The following RTN4IP1 variants were observed in gnomAD, a reference collection of about 807,000 sequenced individuals.
RTN4IP1 encodes the protein reticulon 4 interacting protein 1, also known as NAD(P)H oxidoreductase RTN4IP1, mitochondrial.
RTN4IP1 carries 32 observed loss-of-function variants against 46.6 expected under a neutral mutation model. The observed-to-expected ratio is 0.69, with a 90% CI of 0.52 to 0.92. The LOEUF is 0.92. Ranked by LOEUF, RTN4IP1 falls within the 40% of genes least tolerant of loss-of-function variation. The probability of loss-of-function intolerance (pLI) is 0.00; values close to 1 mark genes in which losing one functional copy is unlikely to be tolerated. For missense variants in RTN4IP1, 424 were observed against 485.8 expected (o/e 0.87, Z 1.20); for synonymous variants, 167 against 161.8 (o/e 1.03, Z -0.24).
At chr6:106,619,606 A>ATTTTTTT (rs869120910) in intron 3 of RTN4IP1, among the ~76,000 whole-genome samples, 8 of 110,472 alleles carry the variant, frequency 7.2e-5, no homozygotes, top group East Asian at 2.7e-4. Flanking sequence ...ACTTTTCTTC[A>ATTTTTTT]TTTTTTTTTT....
intron 5 of RTN4IP1, among the ~76,000 whole-genome samples, chr6:106,600,283 G>C (rs900296887): frequency 2.6e-5 from 4 of 152,076 alleles, no homozygotes; most frequent in African/African-American, 7.2e-5. Context: ...CATCCTGAGA[G>C]AGTCTTAATC....
intron 1 of RTN4IP1, among the ~76,000 whole-genome samples, chr6:106,628,060 C>A (rs1776698984): frequency 6.7e-6 from 1 of 149,706 alleles, no homozygotes; most frequent in East Asian, 2.0e-4. Context: ...GAGTGAGACT[C>A]TGTCTCAAAA....
chr6:106,606,729 T>C (rs1334716968), intron 4 of RTN4IP1, among the ~76,000 whole-genome samples: 2 of 151,944 alleles, frequency 1.3e-5, no homozygotes, highest in East Asian at 3.9e-4. Context: ...CTCAAAAACA[T>C]ACATATAAAT....
At position 106,582,688 on chromosome 6, in the gene RTN4IP1, C is replaced by G. The variant is rs149717668; in HGVS notation, c.1083+640G>C. Among the ~76,000 whole-genome samples, 142 of 152,188 alleles carry G rather than the reference C, an allele frequency of 9.3e-4. 2 individuals carry two copies. Among genetic ancestry groups the G allele is most frequent in the African/African-American group, 3.3e-3 (137 of 41,510 alleles). ...GATGGGATGTCAAGGTGGTTTAGAC[C>G]ATGTAAAAACCCAAATAAGCAGGTG... On this transcript the variant is annotated intron_variant, in intron 8 of 8. Coordinates refer to ENST00000369063, the MANE Select transcript of RTN4IP1 (RefSeq NM_032730.5).
At chr6:106,622,101 G>C (rs935521056) in intron 2 of RTN4IP1, among the ~76,000 whole-genome samples, 4 of 151,092 alleles carry the variant, frequency 2.6e-5, no homozygotes, top group African/African-American at 7.3e-5. Flanking sequence ...ACTAAACTTA[G>C]AAAACACAAA....
At chr6:106,602,981 C>T (rs994858338) in intron 4 of RTN4IP1, 59 bp from the exon 5 acceptor site, 75 of 1,262,082 alleles carry the variant, frequency 5.9e-5, no homozygotes, top group Middle Eastern at 1.9e-4. Flanking sequence ...ACTGGATAAA[C>T]GTTTTCAACA....
intron 8 of RTN4IP1, among the ~76,000 whole-genome samples, chr6:106,576,323 C>G (rs867409511): frequency 6.6e-6 from 1 of 152,172 alleles, no homozygotes; most frequent in Non-Finnish European, 1.5e-5. Flanking sequence ...GGACTTGTCC[C>G]TAGGTACCCC....
In RTN4IP1 at chr6:106,584,894, G is replaced by A. The variant is rs190845463; in HGVS notation, c.991-1474C>T. Among the ~76,000 whole-genome samples the A allele has an allele frequency of 3.2e-3, 489 of 152,376 alleles. 3 individuals are homozygous for A. The highest frequency in any genetic ancestry group is 5.6e-3 in the Admixed American group (85 of 15,306). On this transcript the variant is annotated intron_variant, in intron 7 of 8. Transcript: ENST00000369063. ...CGTCTAACCCAGAAAACCTGTGAGA[G>A]CTAAAGGATTCATCATTAATAATTA... is the stretch of plus-strand genomic sequence containing the variant.
At position 106,629,293 on chromosome 6, in the gene RTN4IP1, T is replaced by G; in HGVS notation, c.-272A>C. ...CTCCCTCACTTTCACCCCCTCCACTTTAAAAAAAAAAGGGGGGGCGGGGCA... is the reference window on the plus strand; with the variant it reads ...CTCCCTCACTTTCACCCCCTCCACTGTAAAAAAAAAAGGGGGGGCGGGGCA... On this transcript the variant is annotated 5_prime_UTR_variant, in exon 1 of 9. It removes the in-frame stop codon of an upstream open reading frame in the 5' UTR. Coordinates refer to ENST00000369063, the MANE Select transcript of RTN4IP1 (RefSeq NM_032730.5). 1.9e-6 allele frequency: 1 copy of G among 525,658 alleles called. No homozygotes were observed. Among genetic ancestry groups the G allele is most frequent in the South Asian group, 2.7e-5 (1 of 37,308 alleles). The allele number at this position is 525,658 out of a possible 1,614,324, so 32.6% of individuals were successfully genotyped here. A position where few individuals can be genotyped will look rare whatever the true frequency, so the allele number is the denominator to read the frequency against.
intron 5 of RTN4IP1, among the ~76,000 whole-genome samples, chr6:106,597,333 T>C (rs1195197982): frequency 6.6e-6 from 1 of 152,144 alleles, no homozygotes; most frequent in Non-Finnish European, 1.5e-5. Context: ...TGATACTTTC[T>C]CTTGACTCTG....
At chr6:106,592,038 A>G in intron 6 of RTN4IP1, 126 bp downstream of exon 6, 1 of 994,392 alleles carries the variant, frequency 1.0e-6, no homozygotes, top group East Asian at 2.5e-5. Flanking sequence ...TTCTAGTGAC[A>G]TGGAATGTTT....
At chr6:106,583,235 T>C in intron 8 of RTN4IP1, 93 bp downstream of exon 8, 5 of 946,806 alleles carry the variant, frequency 5.3e-6, no homozygotes, top group Non-Finnish European at 8.3e-6. Context: ...GCTACCTCTG[T>C]AGAGTCCCTA....
chr6:106,587,852 TAA>T lies in RTN4IP1; in HGVS notation c.815_816del (p.Phe272TyrfsTer3), dbSNP rs1775525132. ...EQLKSLKPFD[F>X]ILDNVGGSTE... ...GTGGATCCGCCAACATTATCAAGGA[TAA>T]AATCAAATCTGGAGAGGAAGAACCA... On this transcript the variant is annotated frameshift_variant, in exon 7 of 9. Transcript: ENST00000369063. LOFTEE classifies it high-confidence loss of function. 1 of 1,611,996 alleles carries T rather than the reference TAA, an allele frequency of 6.2e-7. No individual in the cohort carries two copies. The highest frequency in any genetic ancestry group is 8.5e-7 in the Non-Finnish European group (1 of 1,179,034).
chr6:106,592,247 A>G lies in RTN4IP1; in HGVS notation c.723T>C (p.Ser241=). Residue 241 remains serine (S), a synonymous_variant, in exon 6 of 9, where the codon AGT becomes AGC. Transcript: ENST00000369063. The part of the protein sequence containing the change: ...HVTAVCSQDA[S]ELVRKLGADD... The stretch of plus-strand genomic sequence containing the variant: ...CTGCACCAAGCTTCCTTACAAGTTC[A>G]CTGGCATCTTGGGAGCAAACTGCTG... 1 of 1,614,108 alleles carries G rather than the reference A, an allele frequency of 6.2e-7. No individual in the cohort carries two copies. Among genetic ancestry groups the G allele is most frequent in the Non-Finnish European group, 8.5e-7 (1 of 1,180,000 alleles).
At chr6:106,623,031 A>T (rs778787341) in intron 1 of RTN4IP1, 62 bp from the exon 2 acceptor site, 161 of 1,527,856 alleles carry the variant, frequency 1.1e-4, no homozygotes, top group Non-Finnish European at 1.4e-4. Context: ...TAAAACTACT[A>T]CAGGGTTATA....
At chr6:106,582,380 A>G (rs1478451411) in intron 8 of RTN4IP1, among the ~76,000 whole-genome samples, 1 of 152,214 alleles carries the variant, frequency 6.6e-6, no homozygotes, top group Non-Finnish European at 1.5e-5. Context: ...AAAGTGACAA[A>G]GATAAGACAA....
At position 106,622,829 on chromosome 6, in the gene RTN4IP1, G is replaced by A. The variant is rs148788441; in HGVS notation, c.415C>T (p.Pro139Ser). The A allele has an allele frequency of 2.5e-5, 41 of 1,612,976 alleles. No homozygotes were observed. In the African/African-American group the frequency reaches 4.1e-4, roughly 16 times the overall value. Residue 139 changes from proline to serine, a missense_variant, in exon 2 of 9, where the codon CCT becomes TCT. By Grantham distance (74) the Pro-to-Ser change is moderately conservative (BLOSUM62 -1). Transcript: ENST00000369063. ...ATTCCCTAACTCACCTCATCTCCAG[G>A]CTTGAAGTATTTCACATCAAGCCCA... ...ECGLDVKYFK[P>S]GDEVWAAVPP...
chr6:106,592,929 C>CA (rs35497573), intron 5 of RTN4IP1, among the ~76,000 whole-genome samples: 10,809 of 114,020 alleles, frequency 0.095, 555 homozygotes, highest in East Asian at 0.24. Context: ...GACTTCATCT[C>CA]AAAAAAAAAA....
chr6:106,587,298 A>G (rs1775510285), intron 7 of RTN4IP1, among the ~76,000 whole-genome samples: 1 of 152,276 alleles, frequency 6.6e-6, no homozygotes, highest in Non-Finnish European at 1.5e-5. Context: ...CACAGACAGT[A>G]CATCAGATGT....
Sources: gnomAD v4.1 joint callset for allele counts (sites outside exome capture counted in the v4.1 genomes callset) on GRCh38, gnomAD v4.1.1 for gene constraint, MANE v1.5 for transcripts, NCBI Gene and HGNC (gene_info 2026-07-23, HGNC 2026-07-21) for gene names.